Variants in GALNT9 observed in about 807,000 individuals in gnomAD.
GALNT9 encodes the protein GalNAc transferase 9.
A neutral mutation model predicts 63.1 loss-of-function variants in GALNT9; 47 were observed. The observed-to-expected ratio is 0.75, with a 90% confidence interval of 0.59 to 0.95. GALNT9 has a LOEUF of 0.95. GALNT9 is among the 40% of genes least tolerant of loss of function. The pLI is 0.00. For synonymous variants in GALNT9, 396 were observed against 365.7 expected, an observed-to-expected ratio of 1.08 and a Z score of -0.94; for missense variants, 829 against 874.8, an observed-to-expected ratio of 0.95 and a Z score of 0.66.
rs1868692406 is a variant in GALNT9, at chr12:132,319,718, A to T, written c.238+9248T>A. On this transcript the variant is annotated intron_variant, in intron 1 of 10. Coordinates refer to ENST00000328957, the MANE Select transcript of GALNT9 (RefSeq NM_001122636.2). This position sits in a 1 kb window ranked among gnomAD's most constrained non-coding sequence, Gnocchi z 5.2. ...CGCCACACACACAGCTGTACCCGGC[A>T]CAACACGCGGCCACAGGTCACCTCA... Among the ~76,000 whole-genome samples the T allele has an allele frequency of 6.6e-6, 1 of 152,220 alleles. No individual in the cohort carries two copies.
At chr12:132,280,221 T>C (rs1880283139) in intron 2 of GALNT9, 1 of 152,266 alleles carries the variant, frequency 6.6e-6, no homozygotes, top group South Asian at 2.1e-4. Flanking sequence ...CTTTTTGGGT[T>C]GAGCCATTTC....
At chr12:132,257,547 G>GTCCCCGGCCCTCA (rs1879178226) in intron 5 of GALNT9, 142 bp downstream of exon 5, 16 of 40,008 alleles carry the variant, frequency 4.0e-4, no homozygotes, top group African/African-American at 1.2e-3. Flanking sequence ...CCACGCCCTC[G>GTCCCCGGCCCTCA]TCCCCACGCC....
At chr12:132,268,592 T>A (rs1879744729) in intron 2 of GALNT9, among the ~76,000 whole-genome samples, 1 of 152,076 alleles carries the variant, frequency 6.6e-6, no homozygotes, top group Non-Finnish European at 1.5e-5. Flanking sequence ...TGAAAGACAC[T>A]CAGGTGTAGA....
chr12:132,211,554 G>A (rs947628766), intron 6 of GALNT9, among the ~76,000 whole-genome samples: 4 of 152,046 alleles, frequency 2.6e-5, no homozygotes, highest in Admixed American at 6.5e-5. Flanking sequence ...CCGTGTATCC[G>A]CAGTCTTACT....
intron 8 of GALNT9, 60 bp from the exon 9 acceptor site, chr12:132,199,329 C>T: frequency 8.3e-7 from 1 of 1,205,480 alleles, no homozygotes; most frequent in Non-Finnish European, 1.2e-6. Context: ...CCCCAGGGAG[C>T]TTCACGCAGC....
chr12:132,290,526 C>G (rs1555242616), intron 1 of GALNT9, among the ~76,000 whole-genome samples: 1 of 152,118 alleles, frequency 6.6e-6, no homozygotes, highest in East Asian at 1.9e-4. Flanking sequence ...GCCACAAGCT[C>G]ATGTCCACAG....
intron 2 of GALNT9, chr12:132,277,797 AT>A (rs1183170030): frequency 6.6e-6 from 1 of 152,060 alleles, no homozygotes; most frequent in East Asian, 1.9e-4. Flanking sequence ...TCCCTCGCCC[AT>A]TTCACTCCAT....
At chr12:132,253,028 CA>C (rs1878985688) in intron 5 of GALNT9, among the ~76,000 whole-genome samples, 1 of 152,140 alleles carries the variant, frequency 6.6e-6, no homozygotes, top group Non-Finnish European at 1.5e-5. Context: ...GATCACAGGA[CA>C]GGGGGCCCTT....
rs137920281 is a variant in GALNT9 at position 132,245,850 on chromosome 12, C to T, written c.1077+2060G>A. Reference sequence around the variant, plus strand: ...CTCCCCTGGGCCCTTCCTGCTGAGGCGACTTGTCTTTCACTGACGGTGGCT... The same window carrying T: ...CTCCCCTGGGCCCTTCCTGCTGAGGTGACTTGTCTTTCACTGACGGTGGCT... On this transcript the variant is annotated intron_variant, in intron 6 of 10. Transcript: ENST00000328957. The surrounding 1 kb of genome is among the most constrained non-coding windows in gnomAD (Gnocchi z 6.3). 5.9e-5 allele frequency among the ~76,000 whole-genome samples: 9 copies of T among 152,296 alleles called. No homozygotes were observed. Among genetic ancestry groups the T allele is most frequent in the South Asian group, 2.1e-4 (1 of 4,826 alleles).
chr12:132,304,899 G>A (rs1237555519), intron 1 of GALNT9, among the ~76,000 whole-genome samples: 53 of 11,926 alleles, frequency 4.4e-3, no homozygotes, highest in East Asian at 0.062. Context: ...GCACACCCTC[G>A]CCCGGACACG....
At position 132,296,230 on chromosome 12, in the gene GALNT9, G is replaced by A. The variant is rs1312582212; in HGVS notation, c.239-9800C>T. On this transcript the variant is annotated intron_variant, in intron 1 of 10. Coordinates refer to ENST00000328957, the MANE Select transcript of GALNT9 (RefSeq NM_001122636.2). The surrounding 1 kb of genome is among the most constrained non-coding windows in gnomAD (Gnocchi z 4.2). ...GTCCGTTTCTGTTGGTCTAAGCCAC[G>A]CAGTCTGTGGTGATCTGTCACGGCA... is the stretch of plus-strand genomic sequence containing the variant. Among the ~76,000 whole-genome samples the A allele has an allele frequency of 6.6e-6, 1 of 152,248 alleles. No individual in the cohort carries two copies. The highest frequency in any genetic ancestry group is 1.5e-5 in the Non-Finnish European group (1 of 68,044).
At chr12:132,230,828 C>A (rs981822175) in intron 6 of GALNT9, among the ~76,000 whole-genome samples, 1 of 152,206 alleles carries the variant, frequency 6.6e-6, no homozygotes. Context: ...GGTGTTTCAG[C>A]CTCCCTTGAG....
rs952478641 is a variant in GALNT9, at chr12:132,253,436, A to G, written c.959+4253T>C. 4.0e-5 allele frequency among the ~76,000 whole-genome samples: 6 copies of G among 151,558 alleles called. No homozygotes were observed. The South Asian group carries it at 8.5e-4, about 21-fold the overall frequency. On this transcript the variant is annotated intron_variant, in intron 5 of 10. Transcript: ENST00000328957. The stretch of plus-strand genomic sequence containing the variant: ...GCCCTCAAGCGGCCCTTATGCGGGC[A>G]TGACAGAGGGCTCACCTCTTGCCTT...
At position 132,257,889 on chromosome 12, in the gene GALNT9, G is replaced by C; in HGVS notation, c.762-3C>G. 1 of 1,528,130 alleles carries C rather than the reference G, an allele frequency of 6.5e-7. No homozygotes were observed. The highest frequency in any genetic ancestry group is 8.8e-7 in the Non-Finnish European group (1 of 1,132,944). The allele number at this position is 1,528,130 out of a possible 1,614,324, so 94.7% of individuals were successfully genotyped here. On this transcript the variant is annotated splice_polypyrimidine_tract_variant and splice_region_variant and intron_variant, in intron 4 of 10. Coordinates refer to ENST00000328957, the MANE Select transcript of GALNT9 (RefSeq NM_001122636.2). The stretch of plus-strand genomic sequence containing the variant: ...TCCGCGACAGTGCGGGCTCGGCCCT[G>C]CGGAGGCACAGCTGTGAGGAGGGGC...
intron 1 of GALNT9, among the ~76,000 whole-genome samples, chr12:132,317,956 C>G (rs868969897): frequency 3.3e-4 from 50 of 152,324 alleles, no homozygotes; most frequent in African/African-American, 1.1e-3. Context: ...AAAAATAAAA[C>G]ACTGATGGGC....
In GALNT9 at chr12:132,295,810, G is replaced by GGAACAGGGAGAGCCTCC. The variant is rs1336799760; in HGVS notation, c.239-9397_239-9381dup. ...CAGCCTCTGAACAGGGACGGCCTCC[G>GGAACAGGGAGAGCCTCC]GAACAGGGAGAGCCTCCGAACAGGG... On this transcript the variant is annotated intron_variant, in intron 1 of 10. Coordinates refer to ENST00000328957, the MANE Select transcript of GALNT9 (RefSeq NM_001122636.2). Among the ~76,000 whole-genome samples the GGAACAGGGAGAGCCTCC allele has an allele frequency of 8.8e-3, 929 of 105,090 alleles. 78 individuals carry two copies. Among genetic ancestry groups the GGAACAGGGAGAGCCTCC allele is most frequent in the East Asian group, 0.024 (82 of 3,404 alleles). The allele number at this position is 105,090 out of a possible 152,430, so 68.9% of individuals were successfully genotyped here.
In GALNT9 at chr12:132,229,498, T is replaced by A. The variant is rs1048628025; in HGVS notation, c.1077+18412A>T. Reference sequence around the variant, plus strand: ...GATGACTTATCTGTTCATTCACTAATGCCCCAGACACCGACCACACCCCGC... The same window carrying A: ...GATGACTTATCTGTTCATTCACTAAAGCCCCAGACACCGACCACACCCCGC... On this transcript the variant is annotated intron_variant, in intron 6 of 10. Transcript: ENST00000328957. Among the ~76,000 whole-genome samples, 797 of 152,364 alleles carry A rather than the reference T, an allele frequency of 5.2e-3. 6 individuals are homozygous for A. Among genetic ancestry groups the A allele is most frequent in the African/African-American group, 0.017 (725 of 41,600 alleles).
chr12:132,263,425 G>T (rs1200531563), intron 2 of GALNT9, among the ~76,000 whole-genome samples: 9 of 152,130 alleles, frequency 5.9e-5, no homozygotes, highest in Non-Finnish European at 1.2e-4. Context: ...TACGTCCTAG[G>T]ACGGACTGCA....
At chr12:132,228,560 A>G (rs1877786689) in intron 6 of GALNT9, among the ~76,000 whole-genome samples, 1 of 151,916 alleles carries the variant, frequency 6.6e-6, no homozygotes, top group Non-Finnish European at 1.5e-5. Context: ...TATTAACAGG[A>G]TCTTGATGAA....
Sources: allele counts gnomAD v4.1 joint callset (sites outside exome capture counted in the v4.1 genomes callset), GRCh38; gene constraint gnomAD v4.1.1; non-coding constraint Gnocchi (gnomAD v3.1); transcripts MANE v1.5; gene names NCBI Gene and HGNC (gene_info 2026-07-23, HGNC 2026-07-21).